Variants in GALNT13 observed in about 807,000 individuals in gnomAD.
GALNT13 encodes the protein polypeptide N-acetylgalactosaminyltransferase 13.
GALNT13 carries 28 observed loss-of-function variants against 64.2 expected under a neutral mutation model. The observed-to-expected ratio is 0.44, with a 90% CI of 0.32 to 0.60. The LOEUF (loss-of-function observed/expected upper bound fraction) is 0.60, where lower values mean the gene tolerates loss of function less well. Ranked by LOEUF, GALNT13 falls within the 20% of genes least tolerant of loss-of-function variation. The pLI is 0.05. For missense variants in GALNT13, 577 were observed against 669.8 expected (o/e 0.86, Z 1.53); for synonymous variants, 214 against 224.6 (o/e 0.95, Z 0.42).
chr2:153,491,525 G>A, the GALNT13 span, among the ~76,000 whole-genome samples: 2 of 152,036 alleles, frequency 1.3e-5, no homozygotes, highest in African/African-American at 4.8e-5. Context: ...GAACAGTATG[G>A]TATTAATGAA....
the GALNT13 span, among the ~76,000 whole-genome samples, chr2:153,808,742 C>G: frequency 6.6e-6 from 1 of 152,148 alleles, no homozygotes; most frequent in African/African-American, 2.4e-5. Flanking sequence ...ACCTATTTTT[C>G]ACTGTCATCT....
the GALNT13 span, among the ~76,000 whole-genome samples, chr2:153,621,111 A>T: frequency 6.6e-6 from 1 of 152,184 alleles, no homozygotes; most frequent in Admixed American, 6.6e-5. Flanking sequence ...CCAAACAAAC[A>T]GAGTCCGTCT....
At chr2:154,374,975 T>A (rs973581720) in intron 9 of GALNT13, among the ~76,000 whole-genome samples, 1 of 152,086 alleles carries the variant, frequency 6.6e-6, no homozygotes, top group Non-Finnish European at 1.5e-5. Context: ...TAATCTATAG[T>A]TTTTCACAGA....
chr2:154,346,434 C>T (rs776948297), intron 9 of GALNT13, among the ~76,000 whole-genome samples: 3 of 152,010 alleles, frequency 2.0e-5, no homozygotes, highest in African/African-American at 4.8e-5. Context: ...CCATAATTCT[C>T]ACATGTTGTG....
chr2:153,535,083 A>G, the GALNT13 span, among the ~76,000 whole-genome samples: 1 of 151,998 alleles, frequency 6.6e-6, no homozygotes. Flanking sequence ...AGGCGGGATT[A>G]GGGGCGGCGT....
At chr2:153,635,576 A>G in the GALNT13 span, among the ~76,000 whole-genome samples, 1 of 151,914 alleles carries the variant, frequency 6.6e-6, no homozygotes, top group Non-Finnish European at 1.5e-5. Context: ...GAAGTTGGAA[A>G]TGTAGATATT....
the GALNT13 span, among the ~76,000 whole-genome samples, chr2:153,164,541 A>G: frequency 6.6e-6 from 1 of 152,154 alleles, no homozygotes; most frequent in African/African-American, 2.4e-5. Context: ...TGTTTAATGT[A>G]TATATTTTGA....
At chr2:154,367,624 A>G (rs1697444372) in intron 9 of GALNT13, among the ~76,000 whole-genome samples, 1 of 152,170 alleles carries the variant, frequency 6.6e-6, no homozygotes. Flanking sequence ...ATTTTAGAAA[A>G]TTCCACATTT....
At chr2:153,183,019 T>C in the GALNT13 span, among the ~76,000 whole-genome samples, 1 of 152,210 alleles carries the variant, frequency 6.6e-6, no homozygotes, top group Non-Finnish European at 1.5e-5. Context: ...GGTTGAATGG[T>C]ATATCTGCCT....
At chr2:153,271,042 A>T in the GALNT13 span, among the ~76,000 whole-genome samples, 1 of 152,204 alleles carries the variant, frequency 6.6e-6, no homozygotes, top group African/African-American at 2.4e-5. Flanking sequence ...ATAGATGTAG[A>T]AAAGGCCTTC....
chr2:153,433,132 G>T, the GALNT13 span, among the ~76,000 whole-genome samples: 1 of 151,958 alleles, frequency 6.6e-6, no homozygotes, highest in Non-Finnish European at 1.5e-5. Flanking sequence ...TTGTGTGAGA[G>T]TAAATGAAGA....
the GALNT13 span, among the ~76,000 whole-genome samples, chr2:153,517,157 C>T: frequency 6.6e-6 from 1 of 152,244 alleles, no homozygotes; most frequent in East Asian, 1.9e-4. Context: ...TTCCCACCTT[C>T]ATTTTTATCA....
chr2:153,591,674 A>G, the GALNT13 span, among the ~76,000 whole-genome samples: 1 of 152,238 alleles, frequency 6.6e-6, no homozygotes, highest in Admixed American at 6.5e-5. Context: ...CATATACAAA[A>G]ATCAACACAA....
intron 9 of GALNT13, among the ~76,000 whole-genome samples, chr2:154,318,756 A>G (rs1350327615): frequency 1.3e-5 from 2 of 151,906 alleles, no homozygotes; most frequent in African/African-American, 4.8e-5. Context: ...AGATTAAAAT[A>G]TGATCTGAAA....
intron 9 of GALNT13, among the ~76,000 whole-genome samples, chr2:154,313,419 T>G (rs7573085): frequency 0.96 from 139,566 of 145,798 alleles, 66,847 homozygotes; most frequent in Non-Finnish European, 0.99. Context: ...CCAGTAGAGA[T>G]ATATATATAT....
At chr2:153,497,603 T>C in the GALNT13 span, among the ~76,000 whole-genome samples, 1 of 136,338 alleles carries the variant, frequency 7.3e-6, no homozygotes. Context: ...GGTAACATGA[T>C]CTTGGTTCAC....
At chr2:153,313,941 C>T in the GALNT13 span, among the ~76,000 whole-genome samples, 2 of 151,924 alleles carry the variant, frequency 1.3e-5, no homozygotes, top group African/African-American at 4.8e-5. Context: ...ACTATTTCTC[C>T]AGTTTTTCCA....
the GALNT13 span, among the ~76,000 whole-genome samples, chr2:153,759,235 A>G: frequency 9.2e-5 from 14 of 152,276 alleles, no homozygotes; most frequent in African/African-American, 2.6e-4. Flanking sequence ...AGATCATGTC[A>G]TCACCAAACA....
At chr2:153,660,557 TTATAA>T in the GALNT13 span, among the ~76,000 whole-genome samples, 3 of 148,898 alleles carry the variant, frequency 2.0e-5, no homozygotes, top group South Asian at 2.1e-4. Context: ...ATATTATATA[TTATAA>T]TATATAATAT....
Sources: gnomAD v4.1 joint callset for allele counts (sites outside exome capture counted in the v4.1 genomes callset) on GRCh38, gnomAD v4.1.1 for gene constraint, MANE v1.5 for transcripts, NCBI Gene and HGNC (gene_info 2026-07-23, HGNC 2026-07-21) for gene names.